Variants in NUDT3 observed in about 807,000 individuals in gnomAD.
NUDT3 encodes the protein diphosphoinositol polyphosphate phosphohydrolase 1.
In NUDT3, 9 loss-of-function variants were observed where a neutral mutation model predicts 23.6. The observed-to-expected ratio is 0.38, with a 90% CI of 0.23 to 0.66. The LOEUF is 0.66. Ranked by LOEUF, NUDT3 falls within the 30% of genes least tolerant of loss-of-function variation. NUDT3 has a pLI of 0.52. For missense variants in NUDT3, 172 were observed against 218.5 expected, an observed-to-expected ratio of 0.79 and a Z score of 1.34; for synonymous variants, 86 against 82.6, an observed-to-expected ratio of 1.04 and a Z score of -0.22.
rs770994608 is a variant in NUDT3, at chr6:34,288,899, C to T, written c.373G>A (p.Ala125Thr). The T allele has an allele frequency of 3.1e-6, 5 of 1,612,726 alleles. No individual in the cohort carries two copies. The African/African-American group carries it at 5.3e-5, about 17-fold the overall frequency. Residue 125 changes from alanine (A) to threonine (T), a missense_variant, in exon 5 of 5, where the codon GCC becomes ACC. Coordinates refer to ENST00000607016, the MANE Select transcript of NUDT3 (RefSeq NM_006703.4). ...RKREWFKIED[A>T]IKVLQYHKPV... Reference sequence around the variant, plus strand: ...TTGTGATACTGCAGCACTTTTATGGCGTCTTCTATTTTAAACCATTCCCTC... The same window carrying T: ...TTGTGATACTGCAGCACTTTTATGGTGTCTTCTATTTTAAACCATTCCCTC...
chr6:34,388,628 G>A (rs914362741), intron 1 of NUDT3, among the ~76,000 whole-genome samples: 1 of 152,102 alleles, frequency 6.6e-6, no homozygotes, highest in Non-Finnish European at 1.5e-5. Context: ...AGATTATTCT[G>A]TGGTCCAAAA....
At chr6:34,381,910 TA>T (rs1217810890) in intron 1 of NUDT3, among the ~76,000 whole-genome samples, 2 of 150,950 alleles carry the variant, frequency 1.3e-5, no homozygotes, top group Non-Finnish European at 3.0e-5. Context: ...CCAGCTGTAC[TA>T]AAAATACAAA....
rs34388616 is a variant in NUDT3, at chr6:34,341,959, C to T, written c.113G>A (p.Ser38Asn). Residue 38 changes from serine to asparagine, a missense_variant, in exon 2 of 5, where the codon AGC (serine) becomes AAC (asparagine). By Grantham distance (46) the Ser-to-Asn change is conservative (BLOSUM62 1). Transcript: ENST00000607016. ...SESEEEVLLVSSSRHPDRWIV... is the reference protein window; with the variant it reads ...SESEEEVLLVNSSRHPDRWIV... ...CCATCTGTCTGGATGGCGACTACTG[C>T]TCACGAGTAGCACCTGTTAAGTCAC... 6.0e-5 allele frequency: 97 copies of T among 1,613,650 alleles called. No individual in the cohort carries two copies. The highest frequency in any genetic ancestry group is 8.0e-5 in the Non-Finnish European group (94 of 1,179,844).
intron 1 of NUDT3, among the ~76,000 whole-genome samples, chr6:34,360,404 T>C (rs999272880): frequency 1.1e-4 from 16 of 151,732 alleles, no homozygotes; most frequent in African/African-American, 3.9e-4. Flanking sequence ...TGAAACCCTG[T>C]CTCTACTAAA....
chr6:34,362,337 C>G (rs901421621), intron 1 of NUDT3, among the ~76,000 whole-genome samples: 1 of 151,952 alleles, frequency 6.6e-6, no homozygotes, highest in East Asian at 1.9e-4. Context: ...TGCCACCACA[C>G]CTGGCTAATT....
At chr6:34,365,532 C>G (rs1421380937) in intron 1 of NUDT3, among the ~76,000 whole-genome samples, 1 of 152,314 alleles carries the variant, frequency 6.6e-6, no homozygotes, top group African/African-American at 2.4e-5. Flanking sequence ...AATTTGAAGA[C>G]ATCATGCTAA....
intron 1 of NUDT3, among the ~76,000 whole-genome samples, chr6:34,367,576 C>T (rs1035933570): frequency 1.4e-4 from 21 of 151,388 alleles, no homozygotes; most frequent in Non-Finnish European, 2.9e-4. Flanking sequence ...AAAGATTAAA[C>T]ATAAGTACCG....
At chr6:34,306,118 T>C (rs1283382118) in intron 2 of NUDT3, among the ~76,000 whole-genome samples, 1 of 152,246 alleles carries the variant, frequency 6.6e-6, no homozygotes, top group African/African-American at 2.4e-5. Context: ...TTGTTCTTCA[T>C]AGGGACTATC....
chr6:34,280,979 C>T lies in NUDT3; in HGVS notation c.*7774G>A, dbSNP rs1187187297. Reference sequence around the variant, plus strand: ...AACTTAACTCAATACATCTTGGCTACTTTGCCTCAACCCACGGGGTTCCCT... The same window carrying T: ...AACTTAACTCAATACATCTTGGCTATTTTGCCTCAACCCACGGGGTTCCCT... On this transcript the variant is annotated 3_prime_UTR_variant, in exon 5 of 5. Coordinates refer to ENST00000607016, the MANE Select transcript of NUDT3 (RefSeq NM_006703.4). 6.6e-6 allele frequency: 1 copy of T among 152,214 alleles called. No homozygotes were observed. The highest frequency in any genetic ancestry group is 1.9e-4 in the East Asian group (1 of 5,206). The allele number at this position is 152,214 out of a possible 1,614,324, so 9.4% of individuals were successfully genotyped here.
intron 2 of NUDT3, among the ~76,000 whole-genome samples, chr6:34,328,845 T>C (rs1292520150): frequency 6.6e-6 from 1 of 152,218 alleles, no homozygotes. Context: ...TACTAAATGA[T>C]ATATAATTTT....
rs961279885 is a variant in NUDT3 at position 34,287,865 on chromosome 6, T to C, written c.*888A>G. 6.6e-6 allele frequency: 1 copy of C among 152,178 alleles called. No homozygotes were observed. Among genetic ancestry groups the C allele is most frequent in the Non-Finnish European group, 1.5e-5 (1 of 68,040 alleles). The allele number at this position is 152,178 out of a possible 1,614,324, so 9.4% of individuals were successfully genotyped here. ...CAAGAATCCAGTTCCAACTCTACTGTCAACATGTGGGGCAGAATTCAATTT... is the reference window on the plus strand; with the variant it reads ...CAAGAATCCAGTTCCAACTCTACTGCCAACATGTGGGGCAGAATTCAATTT... On this transcript the variant is annotated 3_prime_UTR_variant, in exon 5 of 5. Coordinates refer to ENST00000607016, the MANE Select transcript of NUDT3 (RefSeq NM_006703.4).
intron 1 of NUDT3, among the ~76,000 whole-genome samples, chr6:34,356,838 C>T (rs909757427): frequency 7.9e-5 from 12 of 151,962 alleles, no homozygotes; most frequent in East Asian, 3.9e-4. Context: ...AGTGCAGTGG[C>T]GCAATCTTGG....
intron 1 of NUDT3, among the ~76,000 whole-genome samples, chr6:34,368,344 C>A (rs1214709365): frequency 6.6e-6 from 1 of 152,184 alleles, no homozygotes; most frequent in East Asian, 1.9e-4. Flanking sequence ...GAAGGCCTAT[C>A]TCTTTACAAG....
chr6:34,351,224 A>AAAAAAAAAAAAAAAC (rs1374203552), intron 1 of NUDT3, among the ~76,000 whole-genome samples: 6 of 136,350 alleles, frequency 4.4e-5, no homozygotes, highest in South Asian at 2.4e-4. Flanking sequence ...AAAAAAAAAA[A>AAAAAAAAAAAAAAAC]AACACTTTGG....
chr6:34,327,382 T>C lies in NUDT3; in HGVS notation c.210+14480A>G, dbSNP rs895775728. Among the ~76,000 whole-genome samples the C allele has an allele frequency of 8.6e-5, 13 of 151,874 alleles. No individual in the cohort carries two copies. In the South Asian group the frequency reaches 1.7e-3, roughly 19 times the overall value. On this transcript the variant is annotated intron_variant, in intron 2 of 4. Transcript: ENST00000607016. ...TGTCTCTACTAAAAATACAAAAAAT[T>C]AGCTGGGCATGGTAGTGCGCACCTG... is the stretch of plus-strand genomic sequence containing the variant.
At chr6:34,297,035 G>A (rs1432007929) in intron 2 of NUDT3, among the ~76,000 whole-genome samples, 2 of 150,774 alleles carry the variant, frequency 1.3e-5, no homozygotes, top group Non-Finnish European at 2.9e-5. Flanking sequence ...GGGTTCAAGC[G>A]ATTCTCCCAC....
chr6:34,335,715 T>TAAA (rs201954004), intron 2 of NUDT3, among the ~76,000 whole-genome samples: 1 of 143,814 alleles, frequency 7.0e-6, no homozygotes, highest in African/African-American at 2.5e-5. Flanking sequence ...CAGGAGTTTG[T>TAAA]AAAAAAAAAA....
In NUDT3 at chr6:34,392,505, G is replaced by T; in HGVS notation, c.-143C>A. 2.0e-6 allele frequency: 1 copy of T among 508,590 alleles called. No homozygotes were observed. The highest frequency in any genetic ancestry group is 3.4e-6 in the Non-Finnish European group (1 of 294,928). The allele number at this position is 508,590 out of a possible 1,614,324, so 31.5% of individuals were successfully genotyped here. On this transcript the variant is annotated 5_prime_UTR_variant, in exon 1 of 5. Transcript: ENST00000607016. ...AGCTTCTCCGCTACACGGCTCCGCC[G>T]CTGGCCCGCCGCGGCCGCCTCATTC...
intron 1 of NUDT3, among the ~76,000 whole-genome samples, chr6:34,377,764 C>G (rs1764948249): frequency 6.7e-6 from 1 of 148,740 alleles, no homozygotes; most frequent in African/African-American, 2.5e-5. Context: ...CCCTGGGAGG[C>G]AGAGGTGGCA....
Sources: gnomAD v4.1 joint callset for allele counts (sites outside exome capture counted in the v4.1 genomes callset) on GRCh38, gnomAD v4.1.1 for gene constraint, MANE v1.5 for transcripts, NCBI Gene and HGNC (gene_info 2026-07-23, HGNC 2026-07-21) for gene names.